The following TVP23A variants were observed in gnomAD, a reference collection of about 807,000 sequenced individuals.
The protein encoded by TVP23A is Golgi apparatus membrane protein TVP23 homolog A.
A neutral mutation model predicts 31.7 loss-of-function variants in TVP23A; 21 were observed. That is an observed-to-expected ratio of 0.66 (90% confidence interval 0.47 to 0.95). The LOEUF is 0.95. Ranked by LOEUF, TVP23A falls within the 40% of genes least tolerant of loss-of-function variation. The pLI is 0.00. For synonymous variants in TVP23A, 104 were observed against 96.0 expected (o/e 1.08, Z -0.49); for missense variants, 279 against 255.6 (o/e 1.09, Z -0.62).
At chr16:10,773,857 C>T (rs2031807010) in intron 4 of TVP23A, among the ~76,000 whole-genome samples, 182 bp downstream of exon 4, 1 of 152,210 alleles carries the variant, frequency 6.6e-6, no homozygotes, top group Non-Finnish European at 1.5e-5. Context: ...AGGCGTGAGC[C>T]ACCACGCCCG....
At chr16:10,783,136 G>A (rs116841890) in intron 2 of TVP23A, among the ~76,000 whole-genome samples, 2 of 152,236 alleles carry the variant, frequency 1.3e-5, no homozygotes, top group East Asian at 3.9e-4. Context: ...GGGATGTTCT[G>A]TATCTTTATC....
chr16:10,773,544 G>A, intron 4 of TVP23A, 103 bp from the exon 5 acceptor site: 1 of 1,384,750 alleles, frequency 7.2e-7, no homozygotes, highest in Non-Finnish European at 9.7e-7. Flanking sequence ...TTTTGTTGCT[G>A]TGGGATTTTT....
intron 2 of TVP23A, among the ~76,000 whole-genome samples, chr16:10,813,087 G>T (rs915125791): frequency 2.0e-5 from 3 of 152,164 alleles, no homozygotes; most frequent in African/African-American, 7.2e-5. Flanking sequence ...TGGAACCAGG[G>T]ACAGAAAGAG....
intron 2 of TVP23A, among the ~76,000 whole-genome samples, chr16:10,817,002 A>C (rs954679634): frequency 3.9e-5 from 6 of 151,908 alleles, no homozygotes; most frequent in Non-Finnish European, 7.4e-5. Flanking sequence ...TGAACATGCT[A>C]TAACACTGGC....
intron 2 of TVP23A, among the ~76,000 whole-genome samples, chr16:10,778,890 T>C (rs928259654): frequency 6.6e-6 from 1 of 152,142 alleles, no homozygotes; most frequent in Non-Finnish European, 1.5e-5. Context: ...TGCTTGAACC[T>C]GGGAGGCAGA....
chr16:10,758,109 G>C (rs1281015963), downstream of TVP23A: 2 of 1,501,936 alleles, frequency 1.3e-6, no homozygotes, highest in Non-Finnish European at 1.8e-6. Flanking sequence ...CTGATACTCT[G>C]GTCTCACCAA....
intron 2 of TVP23A, among the ~76,000 whole-genome samples, chr16:10,812,329 T>C (rs1427773805): frequency 6.6e-6 from 1 of 152,230 alleles, no homozygotes; most frequent in Non-Finnish European, 1.5e-5. Context: ...ATGGTGTAAC[T>C]GATGTGGAAA....
intron 2 of TVP23A, among the ~76,000 whole-genome samples, chr16:10,797,118 G>C (rs1247068005): frequency 6.6e-6 from 1 of 151,876 alleles, no homozygotes; most frequent in East Asian, 1.9e-4. Context: ...GAGCAGGGGA[G>C]GTCGAGGCTA....
At chr16:10,771,825 T>C in intron 5 of TVP23A, 27 bp from the exon 6 acceptor site, 2 of 1,551,398 alleles carry the variant, frequency 1.3e-6, no homozygotes, top group Non-Finnish European at 1.7e-6. Context: ...AAAGCAAAGG[T>C]CACTTTTTTT....
In TVP23A at chr16:10,806,883, C is replaced by T. The variant is rs565603153; in HGVS notation, c.89+11220G>A. 2.0e-5 allele frequency among the ~76,000 whole-genome samples: 3 copies of T among 152,268 alleles called. No homozygotes were observed. In the East Asian group the frequency reaches 5.8e-4, roughly 29 times the overall value. ...TATAAATAAGAGGAAGTTAAGCTGC[C>T]TTAGATGTAAGGAGTTAATTTCAAA... On this transcript the variant is annotated intron_variant, in intron 2 of 7. Transcript: ENST00000299866.
At chr16:10,795,712 G>C (rs1596544141) in intron 2 of TVP23A, among the ~76,000 whole-genome samples, 1 of 152,154 alleles carries the variant, frequency 6.6e-6, no homozygotes, top group Non-Finnish European at 1.5e-5. Context: ...TCGATGAGGG[G>C]AGTTTCTCCT....
At chr16:10,808,723 G>A (rs1163874285) in intron 2 of TVP23A, 5 of 343,974 alleles carry the variant, frequency 1.5e-5, no homozygotes, top group African/African-American at 1.1e-4. Context: ...GCTGCAGTGA[G>A]CCATGATTAC....
intron 2 of TVP23A, among the ~76,000 whole-genome samples, chr16:10,799,548 G>A (rs932826037): frequency 7.2e-5 from 11 of 152,310 alleles, no homozygotes; most frequent in Non-Finnish European, 1.2e-4. Flanking sequence ...TGGTCAGGCT[G>A]GTCTCAGACT....
intron 5 of TVP23A, 80 bp downstream of exon 5, chr16:10,773,233 A>G (rs2031756392): frequency 6.8e-7 from 1 of 1,479,392 alleles, no homozygotes; most frequent in Admixed American, 2.4e-5. Context: ...TCAATAACAA[A>G]TAACAACAAA....
intron 2 of TVP23A, among the ~76,000 whole-genome samples, chr16:10,798,704 G>GC (rs2033538030): frequency 1.3e-5 from 2 of 150,730 alleles, no homozygotes; most frequent in South Asian, 2.1e-4. Context: ...TCACTCTGTC[G>GC]CCAGGCTGGA....
chr16:10,761,453 C>G, exon 9 of TVP23A: 1 of 1,614,030 alleles, frequency 6.2e-7, no homozygotes, highest in Non-Finnish European at 8.5e-7. Flanking sequence ...ACATGAGTGG[C>G]TTCATCTGTC....
At chr16:10,784,224 G>A (rs1373210147) in intron 2 of TVP23A, among the ~76,000 whole-genome samples, 1 of 151,908 alleles carries the variant, frequency 6.6e-6, no homozygotes, top group Non-Finnish European at 1.5e-5. Context: ...AGCTACTAGG[G>A]AGGATGAGGA....
At chr16:10,762,916 G>A (rs568452842), downstream of TVP23A, among the ~76,000 whole-genome samples, 2 of 150,048 alleles carry the variant, frequency 1.3e-5, no homozygotes, top group African/African-American at 2.4e-5. Flanking sequence ...GGGAGCCTGT[G>A]GGAAACGACT....
intron 2 of TVP23A, among the ~76,000 whole-genome samples, chr16:10,804,723 G>A (rs1050583025): frequency 2.0e-5 from 3 of 152,152 alleles, no homozygotes; most frequent in Admixed American, 6.5e-5. Flanking sequence ...TCCAGCCTGC[G>A]CCACAGAGCT....
Sources: gnomAD v4.1 joint callset for allele counts (sites outside exome capture counted in the v4.1 genomes callset) on GRCh38, gnomAD v4.1.1 for gene constraint, MANE v1.5 for transcripts, NCBI Gene and HGNC (gene_info 2026-07-23, HGNC 2026-07-21) for gene names.